The following PTPRB variants were observed in gnomAD, a reference collection of about 807,000 sequenced individuals.
PTPRB encodes receptor-type tyrosine-protein phosphatase beta.
Under a neutral mutation model 238.1 loss-of-function variants are expected in PTPRB, and 97 were observed. The observed-to-expected ratio is 0.41, with a 90% CI of 0.35 to 0.48. PTPRB has a LOEUF of 0.48. Ranked by LOEUF, PTPRB falls within the 20% of genes least tolerant of loss-of-function variation. PTPRB has a pLI of 0.30. For synonymous variants in PTPRB, 970 were observed against 995.4 expected (o/e 0.97, Z 0.48); for missense variants, 2,292 against 2,681.9 (o/e 0.85, Z 3.21).
intron 2 of PTPRB, among the ~76,000 whole-genome samples, chr12:70,626,750 C>T (rs1043920808): frequency 2.0e-5 from 3 of 151,852 alleles, no homozygotes; most frequent in African/African-American, 7.3e-5. Context: ...CCCCATGTTA[C>T]TGAAGGATGA....
At chr12:70,570,992 T>C (rs367989825) in intron 13 of PTPRB, 34 bp downstream of exon 13, 1 of 1,606,230 alleles carries the variant, frequency 6.2e-7, no homozygotes, top group Non-Finnish European at 8.5e-7. Context: ...CACCACTGCA[T>C]CTATTCAGGT....
intron 16 of PTPRB, among the ~76,000 whole-genome samples, chr12:70,561,391 G>A (rs1048167486): frequency 1.1e-4 from 16 of 151,998 alleles, no homozygotes; most frequent in South Asian, 2.1e-4. Context: ...AATCTGTATT[G>A]GTACAACTTC....
intron 11 of PTPRB, among the ~76,000 whole-genome samples, chr12:70,572,775 TAAA>T (rs10709963): frequency 4.3e-5 from 4 of 93,958 alleles, no homozygotes; most frequent in Non-Finnish European, 7.1e-5. Flanking sequence ...CTCCATCTCA[TAAA>T]AAAAAAAAAA....
intron 13 of PTPRB, 75 bp downstream of exon 13, chr12:70,570,951 C>T (rs905916071): frequency 1.7e-5 from 26 of 1,510,966 alleles, no homozygotes; most frequent in Middle Eastern, 1.8e-4. Context: ...AATGCTCAAT[C>T]GAAATACCTG....
At chr12:70,592,597 C>T (rs1882601058) in intron 6 of PTPRB, 52 bp from the exon 7 acceptor site, 2 of 1,552,304 alleles carry the variant, frequency 1.3e-6, no homozygotes, top group Non-Finnish European at 1.7e-6. Context: ...TCTCACAAGT[C>T]CTATGGCCAA....
chr12:70,530,036 C>T (rs1247710387), intron 32 of PTPRB, among the ~76,000 whole-genome samples: 6 of 151,828 alleles, frequency 4.0e-5, no homozygotes, highest in Admixed American at 6.6e-5. Context: ...GAAAATCTGC[C>T]GAAGAAATCA....
chr12:70,571,386 T>C (rs1190772179), intron 12 of PTPRB, 97 bp from the exon 13 acceptor site: 1 of 1,225,494 alleles, frequency 8.2e-7, no homozygotes, highest in Non-Finnish European at 1.1e-6. Flanking sequence ...TGGCAACATC[T>C]CCCTTCCCCA....
chr12:70,537,511 A>C (rs1268246537), intron 28 of PTPRB, among the ~76,000 whole-genome samples: 1 of 152,104 alleles, frequency 6.6e-6, no homozygotes, highest in Non-Finnish European at 1.5e-5. Context: ...CATGCCTGTA[A>C]ACAGCTCAGT....
intron 2 of PTPRB, 50 bp downstream of exon 2, chr12:70,635,620 AG>A: frequency 2.6e-6 from 4 of 1,554,996 alleles, no homozygotes; most frequent in Non-Finnish European, 3.5e-6. Flanking sequence ...AAAACCCCCA[AG>A]ATATTTAGTA....
At chr12:70,605,561 A>T (rs935782929) in intron 4 of PTPRB, among the ~76,000 whole-genome samples, 1 of 152,242 alleles carries the variant, frequency 6.6e-6, no homozygotes, top group East Asian at 1.9e-4. Context: ...AGAAGTCACA[A>T]ATTCAAATGT....
At chr12:70,563,154 G>A (rs1370528539) in intron 15 of PTPRB, 47 bp from the exon 16 acceptor site, 6 of 1,536,418 alleles carry the variant, frequency 3.9e-6, no homozygotes, top group Non-Finnish European at 5.3e-6. Flanking sequence ...AATGCAGTGA[G>A]GAGAAGGGAG....
chr12:70,563,305 T>C (rs1442780972), intron 15 of PTPRB, among the ~76,000 whole-genome samples, 198 bp from the exon 16 acceptor site: 1 of 152,236 alleles, frequency 6.6e-6, no homozygotes, highest in Non-Finnish European at 1.5e-5. Flanking sequence ...ACTTCTGTGC[T>C]ACCTCTTGGC....
intron 2 of PTPRB, among the ~76,000 whole-genome samples, chr12:70,627,561 G>A (rs955042266): frequency 6.6e-6 from 1 of 151,802 alleles, no homozygotes; most frequent in Non-Finnish European, 1.5e-5. Flanking sequence ...GGACCATAGA[G>A]GCAAAAGAAC....
intron 21 of PTPRB, among the ~76,000 whole-genome samples, chr12:70,548,342 T>A (rs967224518): frequency 6.8e-5 from 4 of 58,436 alleles, no homozygotes; most frequent in African/African-American, 4.2e-4. Flanking sequence ...TCTCTCTCTC[T>A]CTCTCACACA....
At chr12:70,630,871 G>A (rs1885420196) in intron 2 of PTPRB, among the ~76,000 whole-genome samples, 3 of 152,066 alleles carry the variant, frequency 2.0e-5, no homozygotes, top group Admixed American at 6.5e-5. Flanking sequence ...CAACTTACAA[G>A]GGATGTGAAG....
chr12:70,576,674 G>GC (rs1565967294), intron 10 of PTPRB, 29 bp from the exon 11 acceptor site: 1 of 277,512 alleles, frequency 3.6e-6, no homozygotes, highest in Non-Finnish European at 6.8e-6. Context: ...GGGGGCGGGG[G>GC]GGGGGGGGAA....
chr12:70,628,228 A>C (rs936920981), intron 2 of PTPRB, among the ~76,000 whole-genome samples: 1 of 152,234 alleles, frequency 6.6e-6, no homozygotes, highest in African/African-American at 2.4e-5. Flanking sequence ...GATTTGAATG[A>C]ATGAATCTGA....
chr12:70,621,602 C>T (rs928992856), intron 3 of PTPRB, among the ~76,000 whole-genome samples: 2 of 152,158 alleles, frequency 1.3e-5, no homozygotes, highest in East Asian at 3.9e-4. Context: ...CAGCCAGGAA[C>T]CATATGCAAT....
chr12:70,590,812 G>C (rs1702472222), intron 7 of PTPRB, among the ~76,000 whole-genome samples: 1 of 151,722 alleles, frequency 6.6e-6, no homozygotes, highest in African/African-American at 2.4e-5. Flanking sequence ...AGTCTCCTGG[G>C]CCCTTCTGCC....
Sources: gnomAD v4.1 joint callset for allele counts (sites outside exome capture counted in the v4.1 genomes callset) on GRCh38, gnomAD v4.1.1 for gene constraint, MANE v1.5 for transcripts, NCBI Gene and HGNC (gene_info 2026-07-23, HGNC 2026-07-21) for gene names.